The following COL22A1 variants were observed in gnomAD, a reference collection of about 807,000 sequenced individuals.
The protein encoded by COL22A1 is collagen type XXII alpha 1 chain.
A neutral mutation model predicts 248.9 loss-of-function variants in COL22A1; 221 were observed. That is an observed-to-expected ratio of 0.89 (90% CI 0.80 to 0.99). COL22A1 has a LOEUF of 0.99. Among genes scored for constraint, COL22A1 ranks in the 50% least tolerant of loss-of-function variants. The pLI is 0.00. For missense variants in COL22A1, 2,240 were observed against 2,179.0 expected, an observed-to-expected ratio of 1.03 and a Z score of -0.56; for synonymous variants, 891 against 793.4, an observed-to-expected ratio of 1.12 and a Z score of -2.07.
At chr8:138,722,288 C>A (rs1829926441) in intron 25 of COL22A1, 199 bp from the exon 26 acceptor site, 4 of 583,496 alleles carry the variant, frequency 6.9e-6, no homozygotes, top group Admixed American at 6.7e-5. Flanking sequence ...ACTACTGAAG[C>A]AAATATCACC....
At chr8:138,803,068 G>A (rs796209850) in intron 10 of COL22A1, 134 bp from the exon 11 acceptor site, 10 of 731,198 alleles carry the variant, frequency 1.4e-5, no homozygotes, top group East Asian at 7.6e-5. Flanking sequence ...TTTCTGCAAC[G>A]AGGCCACATG....
chr8:138,636,937 GC>G lies in COL22A1; in HGVS notation c.3502-143del. 20 of 712,326 alleles carry G rather than the reference GC, an allele frequency of 2.8e-5. 1 individual carries two copies. The Middle Eastern group carries it at 1.7e-3, about 62-fold the overall frequency. 44.1% of individuals were successfully genotyped at this position (712,326 alleles called of 1,614,324 possible). On this transcript the variant is annotated intron_variant, in intron 47 of 64. Coordinates refer to ENST00000303045, the MANE Select transcript of COL22A1 (RefSeq NM_152888.3). ...TTCCTGTGGTAGCTCAGGCACGGTG[GC>G]AGCAGATAGATAGAAACAGGGCCTG...
Position 138,685,306 on chromosome 8 carries a change from C to A in COL22A1, c.2869G>T (p.Ala957Ser), listed in dbSNP as rs1433692903. The change falls in exon 38 of 65, where the codon GCG (alanine) becomes TCG (serine). Residue 957 changes from alanine to serine, a missense_variant. Coordinates refer to ENST00000303045, the MANE Select transcript of COL22A1 (RefSeq NM_152888.3). ...KDGERGEKGA[A>S]GEEGSPGPVG... The stretch of plus-strand genomic sequence containing the variant: ...GGCCCTGGGCTGCCTTCTTCCCCCG[C>A]TGCACCCTGGAAAGAAAAGTAGACA... 1.9e-6 allele frequency: 3 copies of A among 1,613,426 alleles called. No individual in the cohort carries two copies. Among genetic ancestry groups the A allele is most frequent in the Non-Finnish European group, 2.5e-6 (3 of 1,179,700 alleles).
At chr8:138,679,804 C>G in intron 39 of COL22A1, 128 bp from the exon 40 acceptor site, 3 of 835,016 alleles carry the variant, frequency 3.6e-6, no homozygotes, top group Non-Finnish European at 6.1e-6. Flanking sequence ...AGATTAGGGT[C>G]TGGCACAGGT....
At chr8:138,877,723 GGC>G (rs1563875644) in intron 3 of COL22A1, 25 bp downstream of exon 3, 2 of 1,545,118 alleles carry the variant, frequency 1.3e-6, no homozygotes, top group Admixed American at 3.7e-5. Context: ...TCTTGGGAGG[GGC>G]CGCATGGGGC....
intron 39 of COL22A1, among the ~76,000 whole-genome samples, chr8:138,681,655 C>T (rs189863468): frequency 3.3e-5 from 5 of 152,220 alleles, no homozygotes; most frequent in East Asian, 1.9e-4. Flanking sequence ...CACCACATCA[C>T]GGGGGAGCCT....
chr8:138,790,167 A>C (rs558391049), intron 12 of COL22A1, among the ~76,000 whole-genome samples: 1 of 152,268 alleles, frequency 6.6e-6, no homozygotes, highest in African/African-American at 2.4e-5. Context: ...GTCCAAGATC[A>C]AGGTGCCGTC....
chr8:138,880,930 G>A (rs1245351481), intron 2 of COL22A1, among the ~76,000 whole-genome samples: 1 of 152,194 alleles, frequency 6.6e-6, no homozygotes, highest in African/African-American at 2.4e-5. Flanking sequence ...TTGAGCTCAG[G>A]GCACATTTTC....
intron 4 of COL22A1, among the ~76,000 whole-genome samples, chr8:138,836,262 C>T (rs1820422786): frequency 6.6e-6 from 1 of 151,688 alleles, no homozygotes; most frequent in African/African-American, 2.4e-5. Context: ...CAGAGAGAGA[C>T]TCTGTTGCAA....
In COL22A1 at chr8:138,913,993, C is replaced by G. The variant is rs578075695; in HGVS notation, c.-447G>C. 6.5e-6 allele frequency: 1 copy of G among 152,800 alleles called. No homozygotes were observed. Among genetic ancestry groups the G allele is most frequent in the East Asian group, 1.9e-4 (1 of 5,234 alleles). The allele number at this position is 152,800 out of a possible 1,614,324, so 9.5% of individuals were successfully genotyped here. On this transcript the variant is annotated 5_prime_UTR_variant, in exon 1 of 65. Coordinates refer to ENST00000303045, the MANE Select transcript of COL22A1 (RefSeq NM_152888.3). The stretch of plus-strand genomic sequence containing the variant: ...GAAACGCCGCAGCCTCGGCCAGCCC[C>G]GCCACTGCCCAGGAACAAAGCTGTC...
chr8:138,636,859 T>C (rs190664998), intron 47 of COL22A1, 64 bp from the exon 48 acceptor site: 2 of 1,278,020 alleles, frequency 1.6e-6, no homozygotes, highest in Non-Finnish European at 2.3e-6. Context: ...ACAAAAATCA[T>C]TTTCATGCAT....
chr8:138,689,091 C>T (rs2130881320), intron 36 of COL22A1, 121 bp from the exon 37 acceptor site: 1 of 762,270 alleles, frequency 1.3e-6, no homozygotes, highest in East Asian at 2.5e-5. Context: ...AGCTCCCACC[C>T]AATTCCCATA....
At chr8:138,597,005 CCAGTAACTTCTGCCACCT>C (rs1817596467) in intron 61 of COL22A1, 35 bp from the exon 62 acceptor site, 1 of 1,585,362 alleles carries the variant, frequency 6.3e-7, no homozygotes, top group African/African-American at 1.3e-5. Context: ...ATTCATCTTC[CCAGTAACTTCTGCCACCT>C]AAGAACCCTG....
At chr8:138,639,591 G>A (rs1188404426) in intron 47 of COL22A1, among the ~76,000 whole-genome samples, 5 of 152,116 alleles carry the variant, frequency 3.3e-5, no homozygotes, top group Non-Finnish European at 5.9e-5. Flanking sequence ...AAGAAACTTC[G>A]CCCCACTCAG....
At chr8:138,848,821 T>C (rs1028772890) in intron 3 of COL22A1, among the ~76,000 whole-genome samples, 6 of 152,068 alleles carry the variant, frequency 3.9e-5, no homozygotes, top group Non-Finnish European at 8.8e-5. Context: ...TCCCTAAATC[T>C]AGCATCTAGG....
In COL22A1 at chr8:138,878,218, G is replaced by A. The variant is rs1823901428; in HGVS notation, c.190C>T (p.Leu64=). Residue 64 remains leucine (L), a synonymous_variant, in exon 3 of 65, where the codon CTG becomes TTG. Coordinates refer to ENST00000303045, the MANE Select transcript of COL22A1 (RefSeq NM_152888.3). ...FEKVRQWVAN[L]VDTFEVGPDR... ...GGGCCCACCTCGAAGGTGTCCACCAGGTTGGCCACCCACTGCCGGACCTTC... is the reference window on the plus strand; with the variant it reads ...GGGCCCACCTCGAAGGTGTCCACCAAGTTGGCCACCCACTGCCGGACCTTC... The A allele has an allele frequency of 6.3e-7, 1 of 1,596,638 alleles. No individual in the cohort carries two copies. The highest frequency in any genetic ancestry group is 8.5e-7 in the Non-Finnish European group (1 of 1,171,896).
At chr8:138,856,482 C>G (rs1293792193) in intron 3 of COL22A1, among the ~76,000 whole-genome samples, 1 of 148,870 alleles carries the variant, frequency 6.7e-6, no homozygotes, top group Admixed American at 6.7e-5. Context: ...AAGAGGGAGA[C>G]AGAGAGAGCG....
At chr8:138,694,379 G>A (rs1490378576) in intron 34 of COL22A1, 129 bp downstream of exon 34, 3 of 936,450 alleles carry the variant, frequency 3.2e-6, no homozygotes, top group Non-Finnish European at 5.3e-6. Flanking sequence ...CAGCACATTG[G>A]GGCTGCTCTG....
At chr8:138,661,013 C>CAT (rs1324058134) in intron 43 of COL22A1, among the ~76,000 whole-genome samples, 1 of 129,108 alleles carries the variant, frequency 7.7e-6, no homozygotes, top group Non-Finnish European at 1.7e-5. Context: ...CACAGACACA[C>CAT]ACACGCACAT....
Sources: allele counts gnomAD v4.1 joint callset (sites outside exome capture counted in the v4.1 genomes callset), GRCh38; gene constraint gnomAD v4.1.1; transcripts MANE v1.5; gene names NCBI Gene and HGNC (gene_info 2026-07-23, HGNC 2026-07-21).